Variants in TIMP2 observed in about 807,000 individuals in gnomAD.
The protein encoded by TIMP2 is metalloproteinase inhibitor 2.
A neutral mutation model predicts 24.3 loss-of-function variants in TIMP2; 5 were observed. The observed-to-expected ratio is 0.21, with a 90% CI of 0.11 to 0.43. The LOEUF is 0.43. TIMP2 is among the 20% of genes least tolerant of loss of function. The pLI is 1.00. For missense variants in TIMP2, 221 were observed against 297.5 expected (o/e 0.74, Z 1.89); for synonymous variants, 130 against 123.2 (o/e 1.06, Z -0.37).
intron 1 of TIMP2, among the ~76,000 whole-genome samples, chr17:78,887,893 G>C (rs1033952233): frequency 9.2e-5 from 14 of 152,240 alleles, no homozygotes; most frequent in African/African-American, 3.4e-4. Context: ...CACGAAACTG[G>C]AGAAGCTATG....
chr17:78,877,741 T>C lies in TIMP2; in HGVS notation c.131-3822A>G, dbSNP rs2069740995. Reference sequence around the variant, plus strand: ...TTTTTTGAGATGGAGTCTAGCTCTGTCATCCAGGCTGGAGTGCAATGGTGC... The same window carrying C: ...TTTTTTGAGATGGAGTCTAGCTCTGCCATCCAGGCTGGAGTGCAATGGTGC... On this transcript the variant is annotated intron_variant, in intron 1 of 4. Transcript: ENST00000262768. Among the ~76,000 whole-genome samples the C allele has an allele frequency of 5.9e-5, 9 of 151,324 alleles. 1 individual carries two copies. In the South Asian group the frequency reaches 1.9e-3, roughly 32 times the overall value.
At chr17:78,902,966 C>T (rs2070118557) in intron 1 of TIMP2, among the ~76,000 whole-genome samples, 1 of 152,226 alleles carries the variant, frequency 6.6e-6, no homozygotes, top group Non-Finnish European at 1.5e-5. Flanking sequence ...AGGGACTTTG[C>T]CGCTGGCCTT....
intron 2 of TIMP2, 51 bp downstream of exon 2, chr17:78,873,768 C>T (rs1292586954): frequency 6.6e-7 from 1 of 1,522,028 alleles, no homozygotes; most frequent in Non-Finnish European, 9.1e-7. Flanking sequence ...AACCCCAACA[C>T]CCCACAGCTG....
chr17:78,891,793 G>A lies in TIMP2; in HGVS notation c.131-17874C>T. 6.4e-7 allele frequency: 1 copy of A among 1,551,092 alleles called. No individual in the cohort carries two copies. The highest frequency in any genetic ancestry group is 2.0e-5 in the Admixed American group (1 of 51,014). On this transcript the variant is annotated intron_variant, in intron 1 of 4. Transcript: ENST00000262768. The surrounding 1 kb of genome is among the most constrained non-coding windows in gnomAD (Gnocchi z 4.5). ...TGCTCCTCCGAGGATGGATGGCACA[G>A]CGGCCACCCCCAGACTTGGTCGAAG...
intron 2 of TIMP2, 28 bp downstream of exon 2, chr17:78,873,791 A>T (rs1431792876): frequency 1.3e-6 from 2 of 1,592,028 alleles, no homozygotes; most frequent in Non-Finnish European, 1.7e-6. Context: ...CCCACAGTGC[A>T]GCCCGGGATG....
At position 78,920,030 on chromosome 17, in the gene TIMP2, C is replaced by T. The variant is rs375715341; in HGVS notation, c.130+4929G>A. 5.3e-5 allele frequency among the ~76,000 whole-genome samples: 8 copies of T among 152,270 alleles called. No homozygotes were observed. The highest frequency in any genetic ancestry group is 1.9e-4 in the East Asian group (1 of 5,168). On this transcript the variant is annotated intron_variant, in intron 1 of 4. Transcript: ENST00000262768. This position sits in a 1 kb window ranked among gnomAD's most constrained non-coding sequence, Gnocchi z 4.5. ...TCCTCCCTGCTGTTGCATCCCTCCT[C>T]GCAGCTGCCTGGGAAGCCTCGGGCA...
At chr17:78,889,113 G>A (rs1310473592) in intron 1 of TIMP2, among the ~76,000 whole-genome samples, 2 of 152,242 alleles carry the variant, frequency 1.3e-5, no homozygotes, top group African/African-American at 4.8e-5. Context: ...CTGCTTCTGA[G>A]CAGCTGCAGT....
intron 1 of TIMP2, among the ~76,000 whole-genome samples, chr17:78,881,995 G>A (rs1459900127): frequency 2.6e-5 from 4 of 151,976 alleles, no homozygotes; most frequent in African/African-American, 7.3e-5. Context: ...ATAGAGTTTC[G>A]CTCTTGTCGC....
rs2070178420 is a variant in TIMP2 at position 78,908,223 on chromosome 17, G to GTA, written c.130+16734_130+16735dup. On this transcript the variant is annotated intron_variant, in intron 1 of 4. Coordinates refer to ENST00000262768, the MANE Select transcript of TIMP2 (RefSeq NM_003255.5). ...TTTATTTAACCACGCCCCTGCTACT[G>GTA]TATATATAGGTGTTTCTAACGTTTC... Among the ~76,000 whole-genome samples, 5 of 152,338 alleles carry GTA rather than the reference G, an allele frequency of 3.3e-5. No individual in the cohort carries two copies. In the South Asian group the frequency reaches 1.0e-3, roughly 32 times the overall value.
At chr17:78,916,609 C>T (rs1056604372) in intron 1 of TIMP2, among the ~76,000 whole-genome samples, 6 of 152,180 alleles carry the variant, frequency 3.9e-5, no homozygotes, top group Non-Finnish European at 5.9e-5. Flanking sequence ...TTCCCCAGTG[C>T]AGGTGGGAGC....
chr17:78,893,929 G>A (rs1439346947), intron 1 of TIMP2, among the ~76,000 whole-genome samples: 1 of 152,136 alleles, frequency 6.6e-6, no homozygotes, highest in Non-Finnish European at 1.5e-5. Context: ...AGATCTGTGA[G>A]CTGCAGGAAA....
At position 78,915,621 on chromosome 17, in the gene TIMP2, G is replaced by A. The variant is rs1160621319; in HGVS notation, c.130+9338C>T. Among the ~76,000 whole-genome samples, 4 of 151,976 alleles carry A rather than the reference G, an allele frequency of 2.6e-5. No homozygotes were observed. The East Asian group carries it at 7.7e-4, about 29-fold the overall frequency. ...TGCAACCTCTGCTTCCCAGGTTCAA[G>A]CGATTCTCATGCCTCAGCCTCCCGA... is the stretch of plus-strand genomic sequence containing the variant. On this transcript the variant is annotated intron_variant, in intron 1 of 4. Transcript: ENST00000262768.
chr17:78,907,425 C>T (rs2070170433), intron 1 of TIMP2, among the ~76,000 whole-genome samples: 2 of 152,158 alleles, frequency 1.3e-5, no homozygotes, highest in African/African-American at 2.4e-5. Flanking sequence ...GACCAGAAGC[C>T]GCCAGTCGGC....
chr17:78,869,328 C>T (rs1348360956), intron 3 of TIMP2, among the ~76,000 whole-genome samples: 2 of 150,218 alleles, frequency 1.3e-5, no homozygotes, highest in Non-Finnish European at 1.5e-5. Context: ...GAGGCTGAGG[C>T]GAGAGGATCA....
At chr17:78,898,873 G>A (rs1224885992) in intron 1 of TIMP2, 2 of 152,260 alleles carry the variant, frequency 1.3e-5, no homozygotes, top group Non-Finnish European at 2.9e-5. Context: ...AAGTAGCTGG[G>A]ACTATAGGCA....
At position 78,855,515 on chromosome 17, in the gene TIMP2, AAAG is replaced by A. The variant is rs757211624; in HGVS notation, c.*149_*151del. ...CCCTCCAGACCCACAACCATGTCTA[AAAG>A]GAGAAGGGGGGAGCAGAATCATATT... is the stretch of plus-strand genomic sequence containing the variant. On this transcript the variant is annotated 3_prime_UTR_variant, in exon 5 of 5. Transcript: ENST00000262768. The surrounding 1 kb of genome is among the most constrained non-coding windows in gnomAD (Gnocchi z 6.0). 29 of 941,444 alleles carry A rather than the reference AAAG, an allele frequency of 3.1e-5. 4 individuals are homozygous for A. The highest frequency in any genetic ancestry group is 7.9e-5 in the East Asian group (3 of 37,844). 58.3% of individuals were successfully genotyped at this position (941,444 alleles called of 1,614,324 possible).
intron 3 of TIMP2, among the ~76,000 whole-genome samples, chr17:78,857,943 G>A (rs1001452192): frequency 3.9e-5 from 6 of 151,974 alleles, no homozygotes; most frequent in Non-Finnish European, 2.9e-5. Context: ...GGTGTCACAC[G>A]CCTGTAATCC....
chr17:78,886,694 T>C (rs907959802), intron 1 of TIMP2, among the ~76,000 whole-genome samples: 4 of 152,164 alleles, frequency 2.6e-5, no homozygotes, highest in African/African-American at 7.2e-5. Context: ...AAGCAGAGGA[T>C]AGAAAGAAAC....
At chr17:78,890,064 C>CGA (rs1001653131) in intron 1 of TIMP2, among the ~76,000 whole-genome samples, 29 of 152,078 alleles carry the variant, frequency 1.9e-4, no homozygotes, top group African/African-American at 7.0e-4. Flanking sequence ...GGTACTGAGT[C>CGA]GAGACTGCAC....
Sources: gnomAD v4.1 joint callset for allele counts (sites outside exome capture counted in the v4.1 genomes callset) on GRCh38, gnomAD v4.1.1 for gene constraint, Gnocchi (gnomAD v3.1) non-coding constraint, MANE v1.5 for transcripts, NCBI Gene and HGNC (gene_info 2026-07-23, HGNC 2026-07-21) for gene names.